PHF24: variants seen among roughly 807,000 people sequenced by gnomAD.
PHF24 encodes PHD finger protein 24, also known as Galpha inhibitory interacting protein.
In PHF24, 25 loss-of-function variants were observed where a neutral mutation model predicts 42.6. That is an observed-to-expected ratio of 0.59 (90% CI 0.43 to 0.82). The LOEUF is 0.82. PHF24 is among the 40% of genes least tolerant of loss of function. The pLI is 0.00. For synonymous variants in PHF24, 185 were observed against 204.8 expected (o/e 0.90, Z 0.83); for missense variants, 470 against 538.1 (o/e 0.87, Z 1.25).
the PHF24 span, among the ~76,000 whole-genome samples, chr9:34,904,006 G>C: frequency 1.3e-5 from 2 of 152,066 alleles, no homozygotes; most frequent in East Asian, 1.9e-4. Context: ...GTATAGAAGC[G>C]TTACTGATTT....
At chr9:34,919,984 G>C in the PHF24 span, among the ~76,000 whole-genome samples, 1 of 152,112 alleles carries the variant, frequency 6.6e-6, no homozygotes, top group East Asian at 1.9e-4. Flanking sequence ...TCCAAATCTT[G>C]GCTATTGTGA....
the PHF24 span, chr9:34,681,005 T>G: frequency 6.6e-6 from 1 of 152,226 alleles, no homozygotes. Context: ...GTGACCCACT[T>G]TGGCCAATGA....
At chr9:34,813,735 A>G in the PHF24 span, among the ~76,000 whole-genome samples, 21 of 152,234 alleles carry the variant, frequency 1.4e-4, no homozygotes, top group African/African-American at 4.3e-4. Context: ...ATATAATGCA[A>G]TGTCTTCATG....
At chr9:34,964,734 A>T (rs1232833811) in intron 1 of PHF24, among the ~76,000 whole-genome samples, 1 of 152,066 alleles carries the variant, frequency 6.6e-6, no homozygotes, top group African/African-American at 2.4e-5. Flanking sequence ...ACATCTAGAC[A>T]TGCTTCTCTT....
exon 2 of PHF24, chr9:34,971,554 C>T (rs781343380): frequency 1.2e-5 from 19 of 1,613,992 alleles, no homozygotes; most frequent in African/African-American, 4.0e-5. Flanking sequence ...CCGAGATGGG[C>T]GCGGCGTGGA....
At chr9:34,910,543 C>T in the PHF24 span, among the ~76,000 whole-genome samples, 2 of 152,108 alleles carry the variant, frequency 1.3e-5, no homozygotes, top group Non-Finnish European at 2.9e-5. Flanking sequence ...TATTTCAAAA[C>T]AACATACATG....
the PHF24 span, among the ~76,000 whole-genome samples, chr9:34,809,154 T>G: frequency 1.3e-5 from 2 of 152,032 alleles, no homozygotes; most frequent in Non-Finnish European, 2.9e-5. This position sits in a 1 kb window ranked among gnomAD's most constrained non-coding sequence, Gnocchi z 4.1. Context: ...GAGTTCTTGT[T>G]TGTATCCCCC....
the PHF24 span, among the ~76,000 whole-genome samples, chr9:34,866,887 C>T: frequency 6.6e-6 from 1 of 152,170 alleles, no homozygotes; most frequent in Non-Finnish European, 1.5e-5. Context: ...CACAGCAGCA[C>T]TAGCCTCAGT....
the PHF24 span, among the ~76,000 whole-genome samples, chr9:34,897,202 C>T: frequency 6.6e-6 from 1 of 152,278 alleles, no homozygotes; most frequent in East Asian, 1.9e-4. Flanking sequence ...GATCCTTCCT[C>T]CAGCATTAGT....
chr9:34,790,605 T>C, the PHF24 span, among the ~76,000 whole-genome samples: 1 of 152,202 alleles, frequency 6.6e-6, no homozygotes. Context: ...GACATGGCAA[T>C]GAACAAAACA....
chr9:34,835,276 A>T, the PHF24 span: 1 of 1,531,164 alleles, frequency 6.5e-7, no homozygotes, highest in Non-Finnish European at 8.8e-7. Flanking sequence ...GAGAAGTATT[A>T]TTCAGGTTGA....
At chr9:34,837,499 A>C in the PHF24 span, 5 of 602,350 alleles carry the variant, frequency 8.3e-6, no homozygotes, top group African/African-American at 9.4e-5. Context: ...GAACGTTTCC[A>C]AGGTAAGATT....
chr9:34,702,833 C>T, the PHF24 span, among the ~76,000 whole-genome samples: 1 of 151,920 alleles, frequency 6.6e-6, no homozygotes, highest in Non-Finnish European at 1.5e-5. Context: ...CAAATATAGG[C>T]GTTAGAAAAA....
At chr9:34,671,847 CCA>C in the PHF24 span, among the ~76,000 whole-genome samples, 158 of 150,970 alleles carry the variant, frequency 1.0e-3, no homozygotes, top group African/African-American at 3.8e-3. Context: ...ATCCATCCAT[CCA>C]TCCATGTGTC....
At chr9:34,771,531 CAT>C in the PHF24 span, among the ~76,000 whole-genome samples, 1 of 152,134 alleles carries the variant, frequency 6.6e-6, no homozygotes, top group African/African-American at 2.4e-5. Context: ...ACAGAGAGGA[CAT>C]ATAAGCCTTT....
the PHF24 span, among the ~76,000 whole-genome samples, chr9:34,721,408 TC>T: frequency 6.7e-6 from 1 of 149,796 alleles, no homozygotes. Context: ...ATTCTCTCTC[TC>T]TCTCTCTCTC....
the PHF24 span, among the ~76,000 whole-genome samples, chr9:34,876,531 T>C: frequency 2.4e-4 from 37 of 152,136 alleles, no homozygotes; most frequent in East Asian, 6.4e-3. Flanking sequence ...TGTGTTCAAA[T>C]AGACAGACAG....
At chr9:34,938,258 A>G in the PHF24 span, among the ~76,000 whole-genome samples, 1 of 152,234 alleles carries the variant, frequency 6.6e-6, no homozygotes, top group Admixed American at 6.5e-5. Context: ...AGTGAGGGGA[A>G]GTTCAGCAAA....
At chr9:34,972,353 A>G in exon 3 of PHF24, 1 of 1,601,740 alleles carries the variant, frequency 6.2e-7, no homozygotes, top group Non-Finnish European at 8.5e-7. Flanking sequence ...CAGGTTGTCA[A>G]CGATGAGATG....
Sources: gnomAD v4.1 joint callset for allele counts (sites outside exome capture counted in the v4.1 genomes callset) on GRCh38, gnomAD v4.1.1 for gene constraint, Gnocchi (gnomAD v3.1) non-coding constraint, MANE v1.5 for transcripts, NCBI Gene and HGNC (gene_info 2026-07-23, HGNC 2026-07-21) for gene names.